Variants in ZNF708 observed in about 807,000 individuals in gnomAD.
The protein encoded by ZNF708 is zinc finger protein 708.
Under a neutral mutation model 47.0 loss-of-function variants are expected in ZNF708, and 44 were observed. The observed-to-expected ratio is 0.94, with a 90% CI of 0.74 to 1.20. ZNF708 has a LOEUF of 1.20. Among genes scored for constraint, ZNF708 ranks in the 50% most tolerant of loss-of-function variants. The pLI, the probability that ZNF708 is intolerant of heterozygous loss-of-function variation, is 0.00. For synonymous variants in ZNF708, 184 were observed against 218.5 expected (o/e 0.84, Z 1.39); for missense variants, 557 against 656.0 (o/e 0.85, Z 1.65).
At chr19:21,316,998 G>C (rs1973028401) in intron 1 of ZNF708, among the ~76,000 whole-genome samples, 1 of 151,808 alleles carries the variant, frequency 6.6e-6, no homozygotes, top group Non-Finnish European at 1.5e-5. Flanking sequence ...TGTTGGTCAG[G>C]CTGGTCTCGA....
chr19:21,301,564 C>G (rs370680509), intron 3 of ZNF708, among the ~76,000 whole-genome samples: 13 of 152,060 alleles, frequency 8.5e-5, no homozygotes, highest in African/African-American at 2.9e-4. Context: ...TGCAGTGAGC[C>G]AAGATCAAGC....
chr19:21,302,476 T>C (rs1972679329), intron 3 of ZNF708, among the ~76,000 whole-genome samples: 1 of 152,056 alleles, frequency 6.6e-6, no homozygotes, highest in Non-Finnish European at 1.5e-5. Context: ...GGCGGGTGTA[T>C]CACCTGAGGT....
At chr19:21,329,121 T>C (rs1973322413) in intron 1 of ZNF708, 89 bp downstream of exon 1, 4 of 1,566,398 alleles carry the variant, frequency 2.6e-6, no homozygotes, top group Admixed American at 3.4e-5. Context: ...TGGAGATGAC[T>C]GCGGGGAGTC....
intron 1 of ZNF708, among the ~76,000 whole-genome samples, chr19:21,322,199 A>G (rs1216015519): frequency 2.6e-5 from 4 of 152,148 alleles, no homozygotes; most frequent in Non-Finnish European, 5.9e-5. Context: ...TGGACACGTC[A>G]ATGTCTAATG....
At chr19:21,301,137 GA>G (rs1318814061) in intron 3 of ZNF708, among the ~76,000 whole-genome samples, 1 of 152,002 alleles carries the variant, frequency 6.6e-6, no homozygotes, top group Admixed American at 6.6e-5. Flanking sequence ...AGAAATCCTA[GA>G]AAAAGAATAC....
Position 21,291,891 on chromosome 19 carries a change from A to G in ZNF708, c.*1383T>C, listed in dbSNP as rs1972402590. The G allele has an allele frequency of 6.6e-6, 1 of 152,162 alleles. No individual in the cohort carries two copies. The highest frequency in any genetic ancestry group is 2.1e-4 in the South Asian group (1 of 4,806). 9.4% of individuals were successfully genotyped at this position (152,162 alleles called of 1,614,324 possible). A position where few individuals can be genotyped will look rare whatever the true frequency, so the allele number is the denominator to read the frequency against. The stretch of plus-strand genomic sequence containing the variant: ...AGGAAAACAAACAAACAAAAAAAGT[A>G]TACTTTGAATGTAATTACAAACTTC... On this transcript the variant is annotated 3_prime_UTR_variant, in exon 4 of 4. Transcript: ENST00000356929.
At chr19:21,304,741 T>A (rs1345475673) in intron 3 of ZNF708, among the ~76,000 whole-genome samples, 1 of 152,114 alleles carries the variant, frequency 6.6e-6, no homozygotes, top group African/African-American at 2.4e-5. Context: ...CCAGGGGTAG[T>A]AGTGCATTTC....
At chr19:21,305,726 G>GAGC (rs1374621315) in intron 3 of ZNF708, among the ~76,000 whole-genome samples, 20 of 152,138 alleles carry the variant, frequency 1.3e-4, no homozygotes, top group Non-Finnish European at 2.6e-4. Flanking sequence ...CTCCCAAAGT[G>GAGC]CTGGGATTAC....
intron 1 of ZNF708, among the ~76,000 whole-genome samples, chr19:21,322,314 T>C (rs1399588705): frequency 2.0e-5 from 3 of 151,822 alleles, no homozygotes; most frequent in Non-Finnish European, 2.9e-5. Context: ...CTTTTTTTTT[T>C]CTTTTGAGAC....
rs964120057 is a variant in ZNF708, at chr19:21,291,429, C to A, written c.*1845G>T. Reference sequence around the variant, plus strand: ...ATGCCCACCTAAAAAAAAAGAAACTCTCCTATCTTTGATGCCGTGACAACT... The same window carrying A: ...ATGCCCACCTAAAAAAAAAGAAACTATCCTATCTTTGATGCCGTGACAACT... On this transcript the variant is annotated 3_prime_UTR_variant, in exon 4 of 4. Coordinates refer to ENST00000356929, the MANE Select transcript of ZNF708 (RefSeq NM_021269.3). The A allele has an allele frequency of 2.0e-4, 31 of 152,066 alleles. No homozygotes were observed. The highest frequency in any genetic ancestry group is 6.8e-4 in the African/African-American group (28 of 41,396). 9.4% of individuals were successfully genotyped at this position (152,066 alleles called of 1,614,324 possible).
chr19:21,329,363 G>A lies in ZNF708; in HGVS notation c.-151C>T, dbSNP rs1025781336. The A allele has an allele frequency of 8.6e-6, 11 of 1,275,190 alleles. No homozygotes were observed. The highest frequency in any genetic ancestry group is 3.0e-5 in the African/African-American group (2 of 67,046). The allele number at this position is 1,275,190 out of a possible 1,614,324, so 79.0% of individuals were successfully genotyped here. ...CCGGCTGCAGCAAGAGACAAAGGCC[G>A]CGCCAAACCCGGAAGCCGCCCTGTC... On this transcript the variant is annotated 5_prime_UTR_variant, in exon 1 of 4. Coordinates refer to ENST00000356929, the MANE Select transcript of ZNF708 (RefSeq NM_021269.3).
chr19:21,294,782 CAG>C, intron 3 of ZNF708, 43 bp from the exon 4 acceptor site: 1 of 1,505,274 alleles, frequency 6.6e-7, no homozygotes. Flanking sequence ...TTACTCAACT[CAG>C]ATTAATATTT....
At chr19:21,315,741 C>A (rs928696930) in intron 1 of ZNF708, among the ~76,000 whole-genome samples, 3 of 152,100 alleles carry the variant, frequency 2.0e-5, no homozygotes, top group Admixed American at 6.6e-5. Context: ...ATTGGATATA[C>A]ATTGTTAGGC....
chr19:21,305,826 T>C lies in ZNF708; in HGVS notation c.226+3420A>G, dbSNP rs1023904123. On this transcript the variant is annotated intron_variant, in intron 3 of 3. Coordinates refer to ENST00000356929, the MANE Select transcript of ZNF708 (RefSeq NM_021269.3). ...CTTGAAAAAGAACAAAGAGGCATTA[T>C]ACTTTCTGATTTCAAAACATATTAA... Among the ~76,000 whole-genome samples the C allele has an allele frequency of 5.9e-5, 9 of 152,286 alleles. No homozygotes were observed. The East Asian group carries it at 1.5e-3, about 26-fold the overall frequency.
At chr19:21,314,245 T>G (rs1460954940) in intron 1 of ZNF708, among the ~76,000 whole-genome samples, 1 of 151,684 alleles carries the variant, frequency 6.6e-6, no homozygotes, top group Non-Finnish European at 1.5e-5. Flanking sequence ...TTTTGTAAGC[T>G]TACCTAAGAG....
At chr19:21,315,790 A>T (rs181103339) in intron 1 of ZNF708, among the ~76,000 whole-genome samples, 8 of 151,554 alleles carry the variant, frequency 5.3e-5, no homozygotes, top group African/African-American at 1.9e-4. Flanking sequence ...TGGCATTTTT[A>T]GTTCAATTTA....
intron 1 of ZNF708, among the ~76,000 whole-genome samples, chr19:21,313,518 G>C (rs949069831): frequency 6.6e-6 from 1 of 152,010 alleles, no homozygotes; most frequent in South Asian, 2.1e-4. Context: ...CCAGCACTTT[G>C]GGAGGCCCAG....
intron 3 of ZNF708, among the ~76,000 whole-genome samples, chr19:21,303,735 A>G (rs1455689251): frequency 1.3e-5 from 2 of 151,982 alleles, no homozygotes; most frequent in African/African-American, 4.8e-5. Context: ...TCATGCATAT[A>G]GTAACCACAA....
intron 1 of ZNF708, among the ~76,000 whole-genome samples, chr19:21,328,557 G>C (rs1183654212): frequency 6.6e-6 from 1 of 152,168 alleles, no homozygotes; most frequent in Non-Finnish European, 1.5e-5. Context: ...GTCCCCTGTG[G>C]AGTGTGAGAA....
Sources: gnomAD v4.1 joint callset for allele counts (sites outside exome capture counted in the v4.1 genomes callset) on GRCh38, gnomAD v4.1.1 for gene constraint, MANE v1.5 for transcripts, NCBI Gene and HGNC (gene_info 2026-07-23, HGNC 2026-07-21) for gene names.